Variants in DPH6 observed in about 807,000 individuals in gnomAD.
The protein encoded by DPH6 is diphthamine biosynthesis 6, also known as diphthine--ammonia ligase.
DPH6 carries 33 observed loss-of-function variants against 38.2 expected under a neutral mutation model. The observed-to-expected ratio is 0.86, with a 90% confidence interval of 0.65 to 1.15. DPH6 has a LOEUF of 1.15. Ranked by LOEUF, DPH6 falls within the 50% of genes most tolerant of loss-of-function variation. The pLI, the probability that DPH6 is intolerant of heterozygous loss-of-function variation, is 0.00. For synonymous variants in DPH6, 108 were observed against 103.0 expected, an observed-to-expected ratio of 1.05 and a Z score of -0.30; for missense variants, 325 against 320.0, an observed-to-expected ratio of 1.02 and a Z score of -0.12.
chr15:35,422,961 T>C lies in DPH6; in HGVS notation c.506-12065A>G, dbSNP rs187372887. Among the ~76,000 whole-genome samples the C allele has an allele frequency of 1.5e-3, 226 of 152,050 alleles. 6 individuals are homozygous for C. In the Middle Eastern group the frequency reaches 0.024, roughly 16 times the overall value. Reference sequence around the variant, plus strand: ...CACATTTTCTTTAGACATTCATCTATTGATATACACTTAGGCTGTTTTCAT... The same window carrying C: ...CACATTTTCTTTAGACATTCATCTACTGATATACACTTAGGCTGTTTTCAT... On this transcript the variant is annotated intron_variant, in intron 5 of 8. Transcript: ENST00000256538.
At chr15:35,333,665 C>T (rs1045291726) in intron 3 of DPH6, among the ~76,000 whole-genome samples, 1 of 152,120 alleles carries the variant, frequency 6.6e-6, no homozygotes, top group African/African-American at 2.4e-5. Flanking sequence ...TTGCATATTA[C>T]ACTCTGGGTG....
chr15:35,245,253 T>C (rs1033235772), intron 3 of DPH6, among the ~76,000 whole-genome samples: 4 of 139,774 alleles, frequency 2.9e-5, no homozygotes, highest in African/African-American at 5.6e-5. Context: ...TTTTTTTTTT[T>C]TTTGAGATGG....
chr15:35,408,991 T>C (rs142381300), intron 6 of DPH6, among the ~76,000 whole-genome samples: 8 of 151,920 alleles, frequency 5.3e-5, no homozygotes, highest in African/African-American at 1.4e-4. Flanking sequence ...TGTTTTGATA[T>C]TGATATGAAG....
chr15:35,462,136 C>T (rs1053949144), intron 3 of DPH6, among the ~76,000 whole-genome samples: 1 of 152,052 alleles, frequency 6.6e-6, no homozygotes, highest in African/African-American at 2.4e-5. Context: ...CAAAAATATC[C>T]CAGATTCCAA....
At chr15:35,479,034 C>A (rs2141144189) in intron 3 of DPH6, among the ~76,000 whole-genome samples, 1 of 152,086 alleles carries the variant, frequency 6.6e-6, no homozygotes, top group Non-Finnish European at 1.5e-5. Context: ...ATGAAAAATC[C>A]ATTTATAAAG....
At chr15:35,426,094 A>G (rs1212453130) in intron 5 of DPH6, among the ~76,000 whole-genome samples, 1 of 151,430 alleles carries the variant, frequency 6.6e-6, no homozygotes, top group African/African-American at 2.4e-5. Flanking sequence ...CACATACAGT[A>G]CTCGAAATTT....
At chr15:35,406,647 G>C (rs909289186) in intron 6 of DPH6, among the ~76,000 whole-genome samples, 2 of 151,982 alleles carry the variant, frequency 1.3e-5, no homozygotes, top group South Asian at 2.1e-4. Context: ...AGGAGTATAT[G>C]AAATTATTTA....
the DPH6 span, among the ~76,000 whole-genome samples, chr15:35,162,424 A>G: frequency 6.6e-6 from 1 of 151,788 alleles, no homozygotes; most frequent in African/African-American, 2.4e-5. Flanking sequence ...TTCTAGCTGC[A>G]TTTGCTGCTT....
chr15:35,409,708 T>C (rs2053339915), intron 6 of DPH6, among the ~76,000 whole-genome samples: 1 of 151,922 alleles, frequency 6.6e-6, no homozygotes, highest in African/African-American at 2.4e-5. Flanking sequence ...AAACATGATA[T>C]AATGGAGCTA....
chr15:35,521,344 T>G (rs1308456645), intron 3 of DPH6: 2 of 1,014,422 alleles, frequency 2.0e-6, no homozygotes, highest in African/African-American at 1.7e-5. Context: ...GAATGTTGAA[T>G]GTACAATCCT....
At chr15:35,401,727 T>G (rs771576200) in intron 6 of DPH6, 11 of 723,838 alleles carry the variant, frequency 1.5e-5, no homozygotes, top group Non-Finnish European at 2.8e-5. Flanking sequence ...CTATGGTGGT[T>G]CCAGTAGCAG....
At chr15:35,263,509 C>T (rs1009904773) in intron 3 of DPH6, among the ~76,000 whole-genome samples, 2 of 150,426 alleles carry the variant, frequency 1.3e-5, no homozygotes, top group African/African-American at 4.9e-5. Flanking sequence ...CTCAAGCGAT[C>T]CTCCTGCCTC....
At chr15:35,146,487 T>G in the DPH6 span, among the ~76,000 whole-genome samples, 3 of 152,172 alleles carry the variant, frequency 2.0e-5, no homozygotes, top group African/African-American at 7.2e-5. Context: ...TCTTTTACTT[T>G]GGATGTTATG....
At chr15:35,175,122 C>A in the DPH6 span, among the ~76,000 whole-genome samples, 1 of 152,048 alleles carries the variant, frequency 6.6e-6, no homozygotes, top group South Asian at 2.1e-4. Flanking sequence ...TAGGTAATAG[C>A]CTTTTTGTAT....
rs935702635 is a variant in DPH6, at chr15:35,338,708, T to C, written n.208-7631A>G. The stretch of plus-strand genomic sequence containing the variant: ...TATATACCCAAAGGATTATAAATCA[T>C]GCTGCCATAAAGACACATGCACACG... On this transcript the variant is annotated intron_variant and non_coding_transcript_variant, in intron 3 of 3. Transcript: ENST00000558973. Among the ~76,000 whole-genome samples the C allele has an allele frequency of 2.1e-3, 313 of 152,322 alleles. 1 individual carries two copies. Among genetic ancestry groups the C allele is most frequent in the Non-Finnish European group, 3.5e-3 (237 of 68,032 alleles).
chr15:35,245,966 G>T (rs974627583), intron 3 of DPH6, among the ~76,000 whole-genome samples: 7 of 152,196 alleles, frequency 4.6e-5, no homozygotes, highest in Non-Finnish European at 1.0e-4. Context: ...GACAAAAGAA[G>T]TGAAAATGGC....
chr15:35,393,147 G>A (rs1394585041), intron 6 of DPH6, among the ~76,000 whole-genome samples: 3 of 152,186 alleles, frequency 2.0e-5, no homozygotes, highest in African/African-American at 7.2e-5. Flanking sequence ...AAGGGGCCTG[G>A]ATGTAAGTCT....
intron 3 of DPH6, among the ~76,000 whole-genome samples, chr15:35,363,507 C>T (rs369301335): frequency 2.0e-5 from 3 of 151,872 alleles, no homozygotes; most frequent in African/African-American, 7.2e-5. Context: ...TTTCTGTGCC[C>T]TTATTTTTAG....
At chr15:35,518,648 T>C (rs2054880663) in intron 3 of DPH6, among the ~76,000 whole-genome samples, 1 of 151,950 alleles carries the variant, frequency 6.6e-6, no homozygotes, top group South Asian at 2.1e-4. Context: ...TCTCATTATG[T>C]TAGTTCACAT....
Sources: gnomAD v4.1 joint callset for allele counts (sites outside exome capture counted in the v4.1 genomes callset) on GRCh38, gnomAD v4.1.1 for gene constraint, MANE v1.5 for transcripts, NCBI Gene and HGNC (gene_info 2026-07-23, HGNC 2026-07-21) for gene names.